The following PCDH11X variants were observed in gnomAD, a reference collection of about 807,000 sequenced individuals.
PCDH11X encodes protocadherin 11 X-linked.
Under a neutral mutation model 53.3 loss-of-function variants are expected in PCDH11X, and 18 were observed. The observed-to-expected ratio is 0.34, with a 90% CI of 0.23 to 0.50. The LOEUF is 0.50. Ranked by LOEUF, PCDH11X falls within the 20% of genes least tolerant of loss-of-function variation. The pLI is 0.98. For missense variants in PCDH11X, 570 were observed against 1,032.4 expected, an observed-to-expected ratio of 0.55 and a Z score of 6.14; for synonymous variants, 279 against 393.3, an observed-to-expected ratio of 0.71 and a Z score of 3.44.
At chrX:91,942,302 A>G (rs756989104) in intron 6 of PCDH11X, among the ~76,000 whole-genome samples, 110 of 111,089 alleles carry the variant, frequency 9.9e-4, no homozygotes, top group Non-Finnish European at 1.6e-3. Flanking sequence ...CAGTAAAATT[A>G]TAACTGATAA....
rs761721311 is a variant in PCDH11X, at chrX:91,983,265, G to A, written c.3033+103992G>A. 6.0e-4 allele frequency: 520 copies of A among 872,666 alleles called. 3 individuals carry two copies. The South Asian group carries it at 9.9e-3, about 17-fold the overall frequency. 71.9% of individuals were successfully genotyped at this position (872,666 alleles called of 1,213,427 possible). A position where few individuals can be genotyped will look rare whatever the true frequency, so the allele number is the denominator to read the frequency against. On this transcript the variant is annotated intron_variant, in intron 6 of 10. Transcript: ENST00000682573. ...TCTTCCACAGTCATCTCGGTGCCTA[G>A]TGTATTGTCGGTGTTCTATTTCTCT... is the stretch of plus-strand genomic sequence containing the variant.
intron 6 of PCDH11X, among the ~76,000 whole-genome samples, chrX:92,087,088 T>C (rs750364598): frequency 4.6e-5 from 5 of 109,065 alleles, no homozygotes; most frequent in African/African-American, 1.7e-4. Context: ...GGACCCTAGC[T>C]CTTCTTTATT....
chrX:92,564,058 C>CA (rs937066195), intron 10 of PCDH11X, among the ~76,000 whole-genome samples: 13 of 108,533 alleles, frequency 1.2e-4, no homozygotes, highest in African/African-American at 1.3e-4. Flanking sequence ...TAGGAATTGG[C>CA]AAAAAAAGTG....
At chrX:92,175,825 T>G (rs2065901618) in intron 6 of PCDH11X, among the ~76,000 whole-genome samples, 1 of 102,120 alleles carries the variant, frequency 9.8e-6, no homozygotes, top group South Asian at 4.8e-4. Context: ...GAGACAAAAA[T>G]ATACGTGTAT....
chrX:92,511,505 A>G (rs746858357), intron 10 of PCDH11X, among the ~76,000 whole-genome samples: 6 of 112,168 alleles, frequency 5.3e-5, no homozygotes, highest in Admixed American at 9.5e-5. Context: ...ACCAGTCTCA[A>G]TGAAATAATT....
chrX:92,036,293 C>T (rs929335099), intron 6 of PCDH11X, among the ~76,000 whole-genome samples: 6 of 109,938 alleles, frequency 5.5e-5, no homozygotes, highest in Admixed American at 2.0e-4. Context: ...CATCTTTCTT[C>T]GGATGGTCTT....
chrX:92,188,005 C>T (rs1030456447), intron 6 of PCDH11X, among the ~76,000 whole-genome samples: 31 of 111,212 alleles, frequency 2.8e-4, no homozygotes, highest in Non-Finnish European at 5.3e-4. Context: ...GACTAGGAGC[C>T]GAAACATCTG....
intron 4 of PCDH11X, among the ~76,000 whole-genome samples, chrX:91,825,772 T>A (rs1936903063): frequency 9.3e-6 from 1 of 107,353 alleles, no homozygotes. Flanking sequence ...TTAAATATAA[T>A]GTCTTAAAAT....
At chrX:92,614,782 A>G (rs886921762) in intron 10 of PCDH11X, among the ~76,000 whole-genome samples, 6 of 111,157 alleles carry the variant, frequency 5.4e-5, no homozygotes, top group African/African-American at 1.3e-4. Flanking sequence ...CTCAGCCCCA[A>G]GTTCTCTGGA....
chrX:91,821,298 C>A (rs1349921655), intron 4 of PCDH11X, among the ~76,000 whole-genome samples: 1 of 109,103 alleles, frequency 9.2e-6, no homozygotes, highest in Non-Finnish European at 1.9e-5. Context: ...ATTCTTCCTA[C>A]CCATGAGCAT....
intron 10 of PCDH11X, among the ~76,000 whole-genome samples, chrX:92,500,435 A>T (rs1250983961): frequency 9.0e-6 from 1 of 110,832 alleles, no homozygotes; most frequent in Non-Finnish European, 1.9e-5. Flanking sequence ...TAGGAAACAC[A>T]GCAAAACCCT....
At chrX:92,070,704 C>G (rs2063687603) in intron 6 of PCDH11X, among the ~76,000 whole-genome samples, 1 of 111,312 alleles carries the variant, frequency 9.0e-6, no homozygotes, top group African/African-American at 3.3e-5. Context: ...GTGTTTATAT[C>G]TTTCTCTAGG....
At chrX:92,477,562 T>G (rs534085747) in intron 10 of PCDH11X, among the ~76,000 whole-genome samples, 3 of 15,601 alleles carry the variant, frequency 1.9e-4, no homozygotes, top group Admixed American at 1.2e-3. Flanking sequence ...TCCTAGATGT[T>G]GGACATCTAG....
intron 6 of PCDH11X, among the ~76,000 whole-genome samples, chrX:91,977,817 G>T (rs1424238626): frequency 9.0e-5 from 10 of 111,244 alleles, no homozygotes; most frequent in Non-Finnish European, 1.1e-4. Flanking sequence ...ATACCTGGGG[G>T]CAGGGTGAGT....
chrX:91,908,637 C>T (rs1364309793), intron 6 of PCDH11X, among the ~76,000 whole-genome samples: 2 of 108,392 alleles, frequency 1.8e-5, no homozygotes, highest in East Asian at 2.9e-4. Context: ...AACCCTGTCT[C>T]GATTAAAAAT....
rs1288416399 is a variant in PCDH11X, at chrX:92,294,713, A to G, written c.3144+31570A>G. Among the ~76,000 whole-genome samples the G allele has an allele frequency of 4.5e-5, 5 of 111,224 alleles. No individual in the cohort carries two copies. The East Asian group carries it at 1.4e-3, about 32-fold the overall frequency. The stretch of plus-strand genomic sequence containing the variant: ...TAAATGATTGTCCTGGAGCTGCTAT[A>G]TGCTAGATCGCATCAAGAAGAGCTT... On this transcript the variant is annotated intron_variant, in intron 8 of 10. Coordinates refer to ENST00000682573, the MANE Select transcript of PCDH11X (RefSeq NM_032968.5).
intron 10 of PCDH11X, among the ~76,000 whole-genome samples, chrX:92,599,336 C>T (rs985374766): frequency 4.5e-5 from 5 of 111,556 alleles, no homozygotes; most frequent in African/African-American, 1.6e-4. Context: ...ACACCCAAGT[C>T]TCATCTTGAA....
chrX:92,351,719 A>G (rs1190628584), intron 8 of PCDH11X, among the ~76,000 whole-genome samples: 1 of 111,520 alleles, frequency 9.0e-6, no homozygotes, highest in African/African-American at 3.3e-5. Context: ...CTCACTTCAT[A>G]ATTCTCTACT....
intron 1 of PCDH11X, among the ~76,000 whole-genome samples, chrX:91,781,181 A>C (rs1935126052): frequency 8.9e-6 from 1 of 112,447 alleles, no homozygotes; most frequent in Admixed American, 9.4e-5. Context: ...GCAACAAACA[A>C]AATAAAAATT....
Sources: allele counts gnomAD v4.1 joint callset (sites outside exome capture counted in the v4.1 genomes callset), GRCh38; gene constraint gnomAD v4.1.1; transcripts MANE v1.5; gene names NCBI Gene and HGNC (gene_info 2026-07-23, HGNC 2026-07-21).